The following KLHL7 variants were observed in gnomAD, a reference collection of about 807,000 sequenced individuals.
KLHL7 encodes the protein kelch like family member 7, also known as kelch-like protein 7.
KLHL7 carries 44 observed loss-of-function variants against 67.4 expected under a neutral mutation model. The observed-to-expected ratio is 0.65, with a 90% CI of 0.51 to 0.84. The LOEUF is 0.84. Ranked by LOEUF, KLHL7 falls within the 40% of genes least tolerant of loss-of-function variation. KLHL7 has a pLI of 0.00. For missense variants in KLHL7, 362 were observed against 718.1 expected (o/e 0.50, Z 5.67); for synonymous variants, 252 against 243.3 (o/e 1.04, Z -0.33).
chr7:23,162,898 T>C (rs1443278169), intron 7 of KLHL7, among the ~76,000 whole-genome samples: 1 of 152,216 alleles, frequency 6.6e-6, no homozygotes, highest in Non-Finnish European at 1.5e-5. Context: ...CTTTCTTTTT[T>C]CCCTAAGACC....
At chr7:23,166,701 C>G (rs1362067703) in intron 8 of KLHL7, among the ~76,000 whole-genome samples, 3 of 152,102 alleles carry the variant, frequency 2.0e-5, no homozygotes, top group Admixed American at 6.5e-5. Flanking sequence ...CTAAATGTAA[C>G]CATTTCCTCT....
intron 4 of KLHL7, among the ~76,000 whole-genome samples, chr7:23,135,424 G>C (rs1583675819): frequency 6.6e-6 from 1 of 152,266 alleles, no homozygotes; most frequent in East Asian, 1.9e-4. Context: ...AGATGAAATA[G>C]TCTATAAATA....
At chr7:23,118,253 C>G (rs1174831860) in intron 1 of KLHL7, among the ~76,000 whole-genome samples, 1 of 152,224 alleles carries the variant, frequency 6.6e-6, no homozygotes, top group African/African-American at 2.4e-5. Flanking sequence ...CTTTCAGGCA[C>G]TAAAGCAGCA....
chr7:23,131,658 G>A (rs758056769), intron 4 of KLHL7, among the ~76,000 whole-genome samples: 2 of 150,810 alleles, frequency 1.3e-5, no homozygotes, highest in African/African-American at 2.4e-5. Context: ...TACACTCTAA[G>A]TTATTTTAAA....
At chr7:23,121,814 C>G (rs1168594378) in intron 1 of KLHL7, among the ~76,000 whole-genome samples, 1 of 151,766 alleles carries the variant, frequency 6.6e-6, no homozygotes, top group African/African-American at 2.4e-5. Context: ...TCCCAAGTAG[C>G]TGGGACTACA....
At chr7:23,123,048 A>C (rs1435075693) in intron 1 of KLHL7, among the ~76,000 whole-genome samples, 1 of 152,140 alleles carries the variant, frequency 6.6e-6, no homozygotes, top group Non-Finnish European at 1.5e-5. Context: ...GTAAGCCTTA[A>C]ATTTTTTCTT....
chr7:23,174,623 G>T lies in KLHL7; in HGVS notation c.*325G>T, dbSNP rs567516489. 1 of 484,400 alleles carries T rather than the reference G, an allele frequency of 2.1e-6. No individual in the cohort carries two copies. Among genetic ancestry groups the T allele is most frequent in the South Asian group, 1.5e-5 (1 of 64,748 alleles). 30.0% of individuals were successfully genotyped at this position (484,400 alleles called of 1,614,324 possible). The stretch of plus-strand genomic sequence containing the variant: ...TAGAAGATTGGCTCATCAGTGAAGC[G>T]CAGTATCTTAGCTCTAGATTCTATT... On this transcript the variant is annotated 3_prime_UTR_variant, in exon 11 of 11. Coordinates refer to ENST00000339077, the MANE Select transcript of KLHL7 (RefSeq NM_001031710.3).
rs372648796 is a variant in KLHL7 at position 23,122,706 on chromosome 7, ATTATT to A, written c.121-1061_121-1057del. ...TATTTTCTCTCTCATTCTAAACATT[ATTATT>A]TTATTTTATCTTCACAAAATAATAC... On this transcript the variant is annotated intron_variant, in intron 1 of 10. Coordinates refer to ENST00000339077, the MANE Select transcript of KLHL7 (RefSeq NM_001031710.3). Among the ~76,000 whole-genome samples the A allele has an allele frequency of 1.3e-3, 193 of 152,276 alleles. 1 individual carries two copies. Among genetic ancestry groups the A allele is most frequent in the African/African-American group, 4.1e-3 (169 of 41,554 alleles).
At chr7:23,107,937 C>T (rs888332161) in intron 1 of KLHL7, among the ~76,000 whole-genome samples, 4 of 152,164 alleles carry the variant, frequency 2.6e-5, no homozygotes, top group Non-Finnish European at 1.5e-5. Flanking sequence ...CATCATAACA[C>T]AGGAAACAAT....
At chr7:23,127,569 GC>G (rs1160391985) in intron 4 of KLHL7, among the ~76,000 whole-genome samples, 1 of 152,054 alleles carries the variant, frequency 6.6e-6, no homozygotes, top group African/African-American at 2.4e-5. Flanking sequence ...ATTCTCTGCT[GC>G]CCAGAAAGAG....
intron 4 of KLHL7, among the ~76,000 whole-genome samples, chr7:23,133,887 G>T (rs550526310): frequency 6.6e-6 from 1 of 152,046 alleles, no homozygotes; most frequent in South Asian, 2.1e-4. Context: ...AGATCATATT[G>T]TCTGCAAACA....
chr7:23,155,323 T>G (rs1029188761), intron 7 of KLHL7, among the ~76,000 whole-genome samples: 1 of 152,156 alleles, frequency 6.6e-6, no homozygotes, highest in Non-Finnish European at 1.5e-5. Context: ...ACAGGAAAAT[T>G]ATAAACTTTT....
At chr7:23,110,862 G>T (rs186887130) in intron 1 of KLHL7, among the ~76,000 whole-genome samples, 1 of 145,690 alleles carries the variant, frequency 6.9e-6, no homozygotes, top group South Asian at 2.1e-4. Flanking sequence ...GAGAACATGC[G>T]GTTCACTACA....
intron 7 of KLHL7, among the ~76,000 whole-genome samples, chr7:23,160,971 T>G (rs2128468614): frequency 6.6e-6 from 1 of 152,326 alleles, no homozygotes; most frequent in East Asian, 1.9e-4. Context: ...GCTATTTGTG[T>G]TTCTCAATTC....
chr7:23,155,998 G>C (rs898070140), intron 7 of KLHL7: 1 of 466,444 alleles, frequency 2.1e-6, no homozygotes, highest in African/African-American at 2.0e-5. Flanking sequence ...CAGTTGAAAA[G>C]AGATGCATAT....
At chr7:23,172,333 A>G (rs1343970995) in intron 9 of KLHL7, among the ~76,000 whole-genome samples, 2 of 152,242 alleles carry the variant, frequency 1.3e-5, no homozygotes, top group Admixed American at 6.5e-5. Flanking sequence ...CATTATTTAT[A>G]TATTAGTGGC....
At chr7:23,106,212 C>T (rs921732383) in intron 1 of KLHL7, 66 bp downstream of exon 1, 114 of 1,579,014 alleles carry the variant, frequency 7.2e-5, no homozygotes, top group Non-Finnish European at 8.9e-5. Flanking sequence ...CCCTGGTTCC[C>T]GGGGTGGAAC....
At chr7:23,125,696 A>C in intron 4 of KLHL7, 1 of 1,422,260 alleles carries the variant, frequency 7.0e-7, no homozygotes, top group Non-Finnish European at 9.3e-7. Flanking sequence ...AAATTAAGAT[A>C]CTAACTGAGG....
chr7:23,159,536 CCTT>C (rs570839407), intron 7 of KLHL7, among the ~76,000 whole-genome samples: 34 of 151,912 alleles, frequency 2.2e-4, no homozygotes, highest in African/African-American at 6.8e-4. Flanking sequence ...AGGATTTTCT[CCTT>C]CTTCTTCTTT....
Sources: allele counts gnomAD v4.1 joint callset (sites outside exome capture counted in the v4.1 genomes callset), GRCh38; gene constraint gnomAD v4.1.1; transcripts MANE v1.5; gene names NCBI Gene and HGNC (gene_info 2026-07-23, HGNC 2026-07-21).